Variants in GNG7 observed in about 807,000 individuals in gnomAD.
The protein encoded by GNG7 is guanine nucleotide-binding protein G(I)/G(S)/G(O) subunit gamma-7.
GNG7 carries 1 observed loss-of-function variant against 4.0 expected under a neutral mutation model. The observed-to-expected ratio is 0.25, with a 90% CI of 0.09 to 1.18. The LOEUF is 1.18. GNG7 is among the 50% of genes most tolerant of loss of function. GNG7 has a pLI of 0.50. For missense variants in GNG7, 86 were observed against 91.9 expected (o/e 0.94, Z 0.26); for synonymous variants, 34 against 36.9 (o/e 0.92, Z 0.29).
intron 2 of GNG7, among the ~76,000 whole-genome samples, chr19:2,624,208 T>C (rs1026065334): frequency 6.6e-6 from 1 of 151,848 alleles, no homozygotes; most frequent in African/African-American, 2.4e-5. Context: ...GTAAATACTA[T>C]GTTTCATATA....
rs1982236235 is a variant in GNG7, at chr19:2,633,839, A to G, written c.-78+12385T>C. ...CACTGTGGGCATTTGGGGCTGAATCATTCTTGGTTGTGGGGCTGCCCCGGG... is the reference window on the plus strand; with the variant it reads ...CACTGTGGGCATTTGGGGCTGAATCGTTCTTGGTTGTGGGGCTGCCCCGGG... On this transcript the variant is annotated intron_variant, in intron 2 of 4. Transcript: ENST00000382159. The surrounding 1 kb of genome is among the most constrained non-coding windows in gnomAD (Gnocchi z 5.9). Among the ~76,000 whole-genome samples the G allele has an allele frequency of 6.6e-6, 1 of 151,746 alleles. No individual in the cohort carries two copies. Among genetic ancestry groups the G allele is most frequent in the Admixed American group, 6.6e-5 (1 of 15,262 alleles).
intron 2 of GNG7, among the ~76,000 whole-genome samples, chr19:2,600,128 C>G (rs922790569): frequency 8.1e-5 from 12 of 147,874 alleles, no homozygotes; most frequent in African/African-American, 2.8e-4. Context: ...AATTAAGGCC[C>G]TTAAACAGCT....
intron 1 of GNG7, among the ~76,000 whole-genome samples, chr19:2,650,010 T>C (rs1982768054): frequency 6.6e-6 from 1 of 152,028 alleles, no homozygotes; most frequent in Non-Finnish European, 1.5e-5. Flanking sequence ...TCAAGGTGCA[T>C]CCATGCTGTG....
chr19:2,626,551 C>T lies in GNG7; in HGVS notation c.-78+19673G>A, dbSNP rs1452763052. On this transcript the variant is annotated intron_variant, in intron 2 of 4. Transcript: ENST00000382159. The surrounding 1 kb of genome is among the most constrained non-coding windows in gnomAD (Gnocchi z 5.0). ...CACCTGTATCCCCCACCCCACCTGT[C>T]ACCTTCAGGGCACTAGCAACACTCA... Among the ~76,000 whole-genome samples the T allele has an allele frequency of 6.6e-6, 1 of 152,176 alleles. No homozygotes were observed. Among genetic ancestry groups the T allele is most frequent in the African/African-American group, 2.4e-5 (1 of 41,438 alleles).
intron 1 of GNG7, among the ~76,000 whole-genome samples, chr19:2,660,419 G>A (rs909238717): frequency 2.0e-5 from 3 of 152,134 alleles, no homozygotes; most frequent in African/African-American, 7.2e-5. Context: ...GAAACTGGAC[G>A]TATATTTTTC....
chr19:2,696,354 A>AG (rs1913262090), intron 1 of GNG7, among the ~76,000 whole-genome samples: 2 of 147,988 alleles, frequency 1.4e-5, no homozygotes, highest in East Asian at 3.9e-4. Flanking sequence ...AAGAAAAGAA[A>AG]GAAAAGAAAG....
chr19:2,698,396 T>A (rs2144663936), intron 1 of GNG7, among the ~76,000 whole-genome samples: 1 of 151,986 alleles, frequency 6.6e-6, no homozygotes, highest in East Asian at 1.9e-4. Flanking sequence ...AAACCCCGTC[T>A]CTACTAAAAA....
chr19:2,511,682 TG>T lies in GNG7; in HGVS notation c.*3339del. The T allele has an allele frequency of 2.0e-6, 1 of 489,666 alleles. No homozygotes were observed. The highest frequency in any genetic ancestry group is 2.7e-6 in the Non-Finnish European group (1 of 376,794). The allele number at this position is 489,666 out of a possible 1,614,324, so 30.3% of individuals were successfully genotyped here. The stretch of plus-strand genomic sequence containing the variant: ...TTAACTTGGAGATGGATGCGTGGCC[TG>T]GAGGCCTAGCGTTGCGCCTCGGACA... On this transcript the variant is annotated 3_prime_UTR_variant, in exon 5 of 5. Coordinates refer to ENST00000382159, the MANE Select transcript of GNG7 (RefSeq NM_052847.3). This position sits in a 1 kb window ranked among gnomAD's most constrained non-coding sequence, Gnocchi z 6.3.
chr19:2,618,340 GTGGT>G lies in GNG7; in HGVS notation c.-78+27880_-78+27883del, dbSNP rs1981775107. On this transcript the variant is annotated intron_variant, in intron 2 of 4. Coordinates refer to ENST00000382159, the MANE Select transcript of GNG7 (RefSeq NM_052847.3). This position sits in a 1 kb window ranked among gnomAD's most constrained non-coding sequence, Gnocchi z 5.1. ...TTTTCTCTTTTCTACCTGTATGTGT[GTGGT>G]GTGTGTGTGTGTGTGTGTGTGTGTG... Among the ~76,000 whole-genome samples the G allele has an allele frequency of 1.4e-5, 2 of 143,028 alleles. No individual in the cohort carries two copies. Among genetic ancestry groups the G allele is most frequent in the Non-Finnish European group, 3.0e-5 (2 of 66,584 alleles). The allele number at this position is 143,028 out of a possible 152,430, so 93.8% of individuals were successfully genotyped here. A position where few individuals can be genotyped will look rare whatever the true frequency, so the allele number is the denominator to read the frequency against.
intron 1 of GNG7, among the ~76,000 whole-genome samples, chr19:2,696,367 AGAAAG>A (rs1251172643): frequency 6.6e-6 from 1 of 151,694 alleles, no homozygotes; most frequent in Non-Finnish European, 1.5e-5. Flanking sequence ...AAAGAAAGAA[AGAAAG>A]GAAAGGAAGG....
chr19:2,521,692 C>A (rs1207082967), intron 3 of GNG7, among the ~76,000 whole-genome samples: 1 of 147,114 alleles, frequency 6.8e-6, no homozygotes, highest in African/African-American at 2.5e-5. Context: ...CGGCTCACTG[C>A]AACCTCTGCC....
intron 3 of GNG7, chr19:2,538,625 T>C: frequency 4.6e-6 from 2 of 436,902 alleles, no homozygotes; most frequent in Non-Finnish European, 9.1e-6. Flanking sequence ...AGCAAGACCC[T>C]GTCTTTAAAA....
At chr19:2,664,417 G>T (rs778082816) in intron 1 of GNG7, among the ~76,000 whole-genome samples, 14 of 152,226 alleles carry the variant, frequency 9.2e-5, no homozygotes, top group Non-Finnish European at 1.5e-4. Context: ...GACTGGGGGA[G>T]TGACGTGGCT....
At chr19:2,573,832 G>C (rs540776329) in intron 2 of GNG7, among the ~76,000 whole-genome samples, 170 of 152,254 alleles carry the variant, frequency 1.1e-3, no homozygotes, top group African/African-American at 3.9e-3. Flanking sequence ...GACAGAGCAA[G>C]ACTCCATCTT....
chr19:2,543,503 G>GCC, intron 3 of GNG7, among the ~76,000 whole-genome samples: 1 of 152,164 alleles, frequency 6.6e-6, no homozygotes, highest in Non-Finnish European at 1.5e-5. Context: ...AGGATCCCGG[G>GCC]CATGAACCCC....
chr19:2,598,240 C>T (rs1054584813), intron 2 of GNG7, among the ~76,000 whole-genome samples: 2 of 152,076 alleles, frequency 1.3e-5, no homozygotes, highest in East Asian at 1.9e-4. Context: ...AACTAGTGGG[C>T]GGCCGGGCGC....
chr19:2,621,981 G>C (rs2144833397), intron 2 of GNG7, among the ~76,000 whole-genome samples: 1 of 152,228 alleles, frequency 6.6e-6, no homozygotes, highest in East Asian at 1.9e-4. Flanking sequence ...GCCACAAGAG[G>C]CTCGTCTGCC....
chr19:2,642,545 T>C, intron 2 of GNG7: 1 of 351,346 alleles, frequency 2.8e-6, no homozygotes, highest in Non-Finnish European at 5.6e-6. Context: ...TCTGTATTTT[T>C]TGTAGAGATG....
chr19:2,702,079 A>C (rs1913414318), intron 1 of GNG7, among the ~76,000 whole-genome samples: 1 of 126,338 alleles, frequency 7.9e-6, no homozygotes, highest in Non-Finnish European at 1.7e-5. Flanking sequence ...CAGCCAACTC[A>C]GACCTCCAAT....
Sources: gnomAD v4.1 joint callset for allele counts (sites outside exome capture counted in the v4.1 genomes callset) on GRCh38, gnomAD v4.1.1 for gene constraint, Gnocchi (gnomAD v3.1) non-coding constraint, MANE v1.5 for transcripts, NCBI Gene and HGNC (gene_info 2026-07-23, HGNC 2026-07-21) for gene names.